Variants in STAG1 observed in about 807,000 individuals in gnomAD.
STAG1 encodes the protein cohesin subunit SA-1.
In STAG1, 26 loss-of-function variants were observed where a neutral mutation model predicts 170.9. The ratio of observed to expected loss-of-function variants is 0.15; its 90% CI spans 0.11 to 0.21. STAG1 has a LOEUF of 0.21. STAG1 is among the 10% of genes least tolerant of loss of function. The pLI is 1.00. For synonymous variants in STAG1, 514 were observed against 497.7 expected (o/e 1.03, Z -0.44); for missense variants, 964 against 1,509.5 (o/e 0.64, Z 5.99).
chr3:136,658,724 A>G (rs751581878), intron 1 of STAG1, among the ~76,000 whole-genome samples: 3 of 152,224 alleles, frequency 2.0e-5, no homozygotes, highest in Non-Finnish European at 2.9e-5. Flanking sequence ...ATAAATTCTG[A>G]TAATTATGTT....
At chr3:136,555,004 AAATT>A (rs1470468381) in intron 5 of STAG1, among the ~76,000 whole-genome samples, 1 of 151,456 alleles carries the variant, frequency 6.6e-6, no homozygotes, top group African/African-American at 2.4e-5. Flanking sequence ...AAAACACTTA[AAATT>A]AATGAAAAGG....
In STAG1 at chr3:136,433,649, A is replaced by C; in HGVS notation, c.1557T>G (p.Asp519Glu). ...GCTCTATAAGAGCACTCTCTTGACG[A>C]TCAGACATTGCTAAGGTAAAACAAA... The part of the protein sequence containing the change: ...EPVQGEEAMS[D>E]RQESALIELM... The change falls in exon 16 of 34, where the codon GAT becomes GAG. Residue 519 changes from aspartate to glutamate, a missense_variant. This residue lies in a region of STAG1 where 162 missense variants were observed against 211.2 expected (regional missense o/e 0.77). Transcript: ENST00000383202. 1 of 1,610,944 alleles carries C rather than the reference A, an allele frequency of 6.2e-7. No homozygotes were observed. Among genetic ancestry groups the C allele is most frequent in the Non-Finnish European group, 8.5e-7 (1 of 1,178,696 alleles).
At chr3:136,734,031 C>T (rs1441529275) in intron 1 of STAG1, among the ~76,000 whole-genome samples, 3 of 147,996 alleles carry the variant, frequency 2.0e-5, no homozygotes, top group African/African-American at 7.4e-5. Flanking sequence ...GGCGTGAATC[C>T]GGGAGGCAGA....
chr3:136,744,931 C>T (rs1252027358), intron 1 of STAG1, among the ~76,000 whole-genome samples: 2 of 152,170 alleles, frequency 1.3e-5, no homozygotes, highest in Admixed American at 6.5e-5. Flanking sequence ...CCGCCTCGGC[C>T]TCCCAGAGTG....
At chr3:136,348,297 T>G (rs1487751980) in intron 29 of STAG1, among the ~76,000 whole-genome samples, 2 of 151,994 alleles carry the variant, frequency 1.3e-5, no homozygotes, top group South Asian at 2.1e-4. Flanking sequence ...TTTAGGTTTT[T>G]TTTTTTTTTT....
rs184499111 is a variant in STAG1 at position 136,374,302 on chromosome 3, C to T, written c.2370+3358G>A. Among the ~76,000 whole-genome samples the T allele has an allele frequency of 2.6e-3, 363 of 139,896 alleles. 2 individuals carry two copies. Among genetic ancestry groups the T allele is most frequent in the Admixed American group, 0.013 (166 of 13,032 alleles). The allele number at this position is 139,896 out of a possible 152,430, so 91.8% of individuals were successfully genotyped here. On this transcript the variant is annotated intron_variant, in intron 23 of 33. Coordinates refer to ENST00000383202, the MANE Select transcript of STAG1 (RefSeq NM_005862.3). ...TTATTCAAAAATAAATAGAAAAAAGCTTCTAGAATAAAGATATAAGAAAAA... is the reference window on the plus strand; with the variant it reads ...TTATTCAAAAATAAATAGAAAAAAGTTTCTAGAATAAAGATATAAGAAAAA...
rs146902056 is a variant in STAG1 at position 136,595,306 on chromosome 3, C to T, written c.297+9003G>A. ...TATATTCACACAAACTTTCAGTGAACGCTACCAAGTCAAACAACTAGGGAC... is the reference window on the plus strand; with the variant it reads ...TATATTCACACAAACTTTCAGTGAATGCTACCAAGTCAAACAACTAGGGAC... On this transcript the variant is annotated intron_variant, in intron 4 of 33. Transcript: ENST00000383202. Among the ~76,000 whole-genome samples the T allele has an allele frequency of 4.3e-4, 66 of 152,246 alleles. No individual in the cohort carries two copies. The East Asian group carries it at 5.6e-3, about 13-fold the overall frequency.
rs1934049232 is a variant in STAG1 at position 136,511,240 on chromosome 3, CT to C, written c.677-8462del. 3.9e-5 allele frequency among the ~76,000 whole-genome samples: 6 copies of C among 152,322 alleles called. No individual in the cohort carries two copies. The South Asian group carries it at 1.2e-3, about 32-fold the overall frequency. On this transcript the variant is annotated intron_variant, in intron 7 of 33. Transcript: ENST00000383202. ...ACTGTGTGTCAATTAAATCTCTTGC[CT>C]TTATGAATTACCCAGTCTAGGAGAA...
At chr3:136,338,349 C>T (rs1935788680) in intron 33 of STAG1, 21 bp downstream of exon 33, 2 of 1,600,050 alleles carry the variant, frequency 1.2e-6, no homozygotes, top group Non-Finnish European at 1.7e-6. Flanking sequence ...AAATAAAAAG[C>T]AGTAATAATT....
At chr3:136,541,720 G>A (rs1053684714) in intron 6 of STAG1, among the ~76,000 whole-genome samples, 3 of 152,122 alleles carry the variant, frequency 2.0e-5, no homozygotes, top group Non-Finnish European at 4.4e-5. Flanking sequence ...CTCTGAGACA[G>A]GTATAATATG....
At chr3:136,683,308 G>A (rs987573581) in intron 1 of STAG1, among the ~76,000 whole-genome samples, 2 of 151,816 alleles carry the variant, frequency 1.3e-5, no homozygotes, top group Non-Finnish European at 2.9e-5. Context: ...CTGTCTCCCA[G>A]GCTGGAGTAC....
In STAG1 at chr3:136,628,344, T is replaced by C. The variant is rs190311721; in HGVS notation, c.29+2526A>G. On this transcript the variant is annotated intron_variant, in intron 2 of 33. Coordinates refer to ENST00000383202, the MANE Select transcript of STAG1 (RefSeq NM_005862.3). ...TTATAGCAGTGTGAAAATGGAATAA[T>C]ACACATAGTGAAGAGAAAAAAACAT... 3.9e-5 allele frequency among the ~76,000 whole-genome samples: 6 copies of C among 152,234 alleles called. No homozygotes were observed. The East Asian group carries it at 7.7e-4, about 20-fold the overall frequency.
At chr3:136,574,479 TACATATACAC>T (rs1257860823) in intron 4 of STAG1, among the ~76,000 whole-genome samples, 7 of 152,170 alleles carry the variant, frequency 4.6e-5, no homozygotes, top group South Asian at 4.1e-4. Flanking sequence ...CACACATATA[TACATATACAC>T]ACATATACAC....
chr3:136,502,858 G>C, intron 7 of STAG1, 79 bp from the exon 8 acceptor site: 1 of 1,157,268 alleles, frequency 8.6e-7, no homozygotes, highest in Non-Finnish European at 1.1e-6. Flanking sequence ...AAAGCCAATG[G>C]ATGAAGAAAT....
intron 1 of STAG1, among the ~76,000 whole-genome samples, chr3:136,669,000 G>C (rs1458635483): frequency 6.6e-6 from 1 of 152,226 alleles, no homozygotes; most frequent in East Asian, 1.9e-4. Flanking sequence ...CTCCAAGGCA[G>C]AATGTTCAGA....
intron 21 of STAG1, among the ~76,000 whole-genome samples, chr3:136,414,402 GCTC>G (rs2087714414): frequency 1.3e-5 from 2 of 152,116 alleles, no homozygotes; most frequent in African/African-American, 4.8e-5. Flanking sequence ...CTCTTTCATT[GCTC>G]ATCCGTAAGA....
At chr3:136,721,899 A>C (rs1933298420) in intron 1 of STAG1, among the ~76,000 whole-genome samples, 1 of 149,614 alleles carries the variant, frequency 6.7e-6, no homozygotes, top group Admixed American at 6.7e-5. Context: ...TGGGCAACAG[A>C]GCTAGACTCC....
chr3:136,728,076 T>C (rs1933790075), intron 1 of STAG1, among the ~76,000 whole-genome samples: 1 of 152,036 alleles, frequency 6.6e-6, no homozygotes, highest in African/African-American at 2.4e-5. Context: ...GGGGAGCTGC[T>C]TGAACCTGGG....
At chr3:136,529,072 T>A (rs901650371) in intron 6 of STAG1, among the ~76,000 whole-genome samples, 75 of 151,684 alleles carry the variant, frequency 4.9e-4, no homozygotes, top group Non-Finnish European at 3.2e-4. Context: ...AGCAGAAAAA[T>A]GAGTATCAGA....
Sources: allele counts gnomAD v4.1 joint callset (sites outside exome capture counted in the v4.1 genomes callset), GRCh38; gene constraint gnomAD v4.1.1; regional missense constraint gnomAD v4.1.1; transcripts MANE v1.5; gene names NCBI Gene and HGNC (gene_info 2026-07-23, HGNC 2026-07-21).